IMMP2L: variants seen among roughly 807,000 people sequenced by gnomAD.
IMMP2L encodes inner mitochondrial membrane peptidase subunit 2, also known as mitochondrial inner membrane protease subunit 2.
Under a neutral mutation model 19.3 loss-of-function variants are expected in IMMP2L, and 18 were observed. The observed-to-expected ratio is 0.93, with a 90% CI of 0.64 to 1.38. The LOEUF (loss-of-function observed/expected upper bound fraction) is 1.38, where lower values mean the gene tolerates loss of function less well. Among genes scored for constraint, IMMP2L ranks in the 40% most tolerant of loss-of-function variants. The pLI is 0.00. For missense variants in IMMP2L, 233 were observed against 218.2 expected (o/e 1.07, Z -0.43); for synonymous variants, 76 against 73.0 (o/e 1.04, Z -0.21).
chr7:111,250,708 A>T (rs986678481), intron 3 of IMMP2L, among the ~76,000 whole-genome samples: 1 of 152,166 alleles, frequency 6.6e-6, no homozygotes, highest in Non-Finnish European at 1.5e-5. Context: ...CATATGCAGA[A>T]AATTAAAACT....
chr7:111,328,707 T>C (rs1173371932), intron 3 of IMMP2L, among the ~76,000 whole-genome samples: 1 of 151,694 alleles, frequency 6.6e-6, no homozygotes, highest in African/African-American at 2.4e-5. Context: ...GAGAGATGTA[T>C]AGCTTGAGAA....
chr7:111,149,898 A>C (rs1803885789), intron 3 of IMMP2L, among the ~76,000 whole-genome samples: 1 of 152,208 alleles, frequency 6.6e-6, no homozygotes, highest in African/African-American at 2.4e-5. Flanking sequence ...TCAAATTTTT[A>C]TTTAAAACAT....
intron 3 of IMMP2L, among the ~76,000 whole-genome samples, chr7:111,014,729 A>C (rs913037465): frequency 1.3e-5 from 2 of 152,186 alleles, no homozygotes; most frequent in Admixed American, 1.3e-4. Context: ...AACAACAACA[A>C]AAAACCAAAT....
At chr7:111,290,306 C>T (rs1239667929) in intron 3 of IMMP2L, among the ~76,000 whole-genome samples, 1 of 151,990 alleles carries the variant, frequency 6.6e-6, no homozygotes. Flanking sequence ...TACAAAAATC[C>T]CTCACTGTGC....
chr7:111,220,092 T>C (rs1812355859), intron 3 of IMMP2L, among the ~76,000 whole-genome samples: 1 of 152,002 alleles, frequency 6.6e-6, no homozygotes, highest in African/African-American at 2.4e-5. Context: ...AATTGCAATG[T>C]TTGCCATTTG....
intron 4 of IMMP2L, among the ~76,000 whole-genome samples, chr7:110,921,822 G>A (rs924298552): frequency 1.3e-5 from 2 of 152,112 alleles, no homozygotes; most frequent in Non-Finnish European, 2.9e-5. Flanking sequence ...GGCACAAGGA[G>A]GACACTTTAT....
chr7:111,030,847 T>C (rs1451174889), intron 3 of IMMP2L, among the ~76,000 whole-genome samples: 1 of 149,434 alleles, frequency 6.7e-6, no homozygotes, highest in Non-Finnish European at 1.5e-5. Flanking sequence ...TATGTATGTG[T>C]GTATATACAT....
intron 3 of IMMP2L, among the ~76,000 whole-genome samples, chr7:111,275,367 CTG>C: frequency 6.6e-6 from 1 of 152,174 alleles, no homozygotes; most frequent in African/African-American, 2.4e-5. Context: ...AGTTTATGTT[CTG>C]AATTGAATTC....
intron 3 of IMMP2L, among the ~76,000 whole-genome samples, chr7:111,131,016 TA>T (rs902452818): frequency 2.9e-4 from 44 of 151,802 alleles, no homozygotes; most frequent in African/African-American, 9.9e-4. Flanking sequence ...TTCAAGATTT[TA>T]AAAAAAATTA....
At chr7:110,670,475 A>C (rs552958945) in intron 5 of IMMP2L, among the ~76,000 whole-genome samples, 1 of 152,272 alleles carries the variant, frequency 6.6e-6, no homozygotes, top group South Asian at 2.1e-4. Flanking sequence ...AGATCACTTG[A>C]GGTCAGGAGT....
Position 111,182,177 on chromosome 7 carries a change from T to C in IMMP2L, c.240-218612A>G, listed in dbSNP as rs541151074. 3.9e-5 allele frequency among the ~76,000 whole-genome samples: 6 copies of C among 152,104 alleles called. No individual in the cohort carries two copies. In the East Asian group the frequency reaches 1.2e-3, roughly 29 times the overall value. On this transcript the variant is annotated intron_variant, in intron 3 of 5. Coordinates refer to ENST00000405709, the MANE Select transcript of IMMP2L (RefSeq NM_032549.4). Reference sequence around the variant, plus strand: ...CTTAGTATAATCAAATCTATCTAACTGTCCATCACTTTAACATCATCAGGA... The same window carrying C: ...CTTAGTATAATCAAATCTATCTAACCGTCCATCACTTTAACATCATCAGGA...
chr7:110,697,407 CCTCA>C (rs1306499932), intron 5 of IMMP2L, among the ~76,000 whole-genome samples: 1 of 152,184 alleles, frequency 6.6e-6, no homozygotes, highest in African/African-American at 2.4e-5. Flanking sequence ...GGCTAATTTA[CCTCA>C]CTGAGTAGTT....
chr7:110,680,127 G>T (rs1792605751), intron 5 of IMMP2L, among the ~76,000 whole-genome samples: 1 of 152,276 alleles, frequency 6.6e-6, no homozygotes, highest in Non-Finnish European at 1.5e-5. Flanking sequence ...AAGGTGACTT[G>T]GTCTTCTATG....
chr7:111,332,085 T>C (rs1825936234), intron 3 of IMMP2L, among the ~76,000 whole-genome samples: 1 of 151,892 alleles, frequency 6.6e-6, no homozygotes, highest in East Asian at 1.9e-4. Context: ...GGCTGTTTTA[T>C]AGGCATGAGG....
intron 3 of IMMP2L, among the ~76,000 whole-genome samples, chr7:111,054,591 A>G (rs544837891): frequency 6.6e-6 from 1 of 152,246 alleles, no homozygotes; most frequent in Non-Finnish European, 1.5e-5. Context: ...ACACTGGAGC[A>G]TGTTAATTAC....
At chr7:110,951,495 C>T (rs1027535292) in intron 4 of IMMP2L, among the ~76,000 whole-genome samples, 20 of 151,550 alleles carry the variant, frequency 1.3e-4, no homozygotes, top group African/African-American at 4.8e-4. Context: ...ATTAAATGTT[C>T]ATTGTGTGTT....
intron 3 of IMMP2L, among the ~76,000 whole-genome samples, chr7:111,212,683 T>C (rs1811457868): frequency 6.6e-6 from 1 of 152,164 alleles, no homozygotes; most frequent in Non-Finnish European, 1.5e-5. Flanking sequence ...AATGTTTTCA[T>C]ATACATAATG....
intron 3 of IMMP2L, among the ~76,000 whole-genome samples, chr7:111,012,747 C>G (rs1825101520): frequency 6.6e-6 from 1 of 152,136 alleles, no homozygotes; most frequent in South Asian, 2.1e-4. Flanking sequence ...GGTCCAATCA[C>G]TTTAGCTTAC....
intron 3 of IMMP2L, among the ~76,000 whole-genome samples, chr7:110,988,759 G>A (rs1232693523): frequency 1.3e-5 from 2 of 152,002 alleles, no homozygotes; most frequent in African/African-American, 4.8e-5. Flanking sequence ...GTGAATTATT[G>A]TATTCCTAAA....
Sources: allele counts gnomAD v4.1 joint callset (sites outside exome capture counted in the v4.1 genomes callset), GRCh38; gene constraint gnomAD v4.1.1; transcripts MANE v1.5; gene names NCBI Gene and HGNC (gene_info 2026-07-23, HGNC 2026-07-21).